CSRNP2: variants seen among roughly 807,000 people sequenced by gnomAD.
CSRNP2 encodes cysteine/serine-rich nuclear protein 2.
In CSRNP2, 11 loss-of-function variants were observed where a neutral mutation model predicts 36.6. The ratio of observed to expected loss-of-function variants is 0.30; its 90% confidence interval spans 0.19 to 0.50. The LOEUF (loss-of-function observed/expected upper bound fraction) is 0.50, where lower values mean the gene tolerates loss of function less well. Ranked by LOEUF, CSRNP2 falls within the 20% of genes least tolerant of loss-of-function variation. The pLI is 0.98. For missense variants in CSRNP2, 483 were observed against 691.4 expected (o/e 0.70, Z 3.38); for synonymous variants, 248 against 275.3 (o/e 0.90, Z 0.98).
intron 4 of CSRNP2, among the ~76,000 whole-genome samples, chr12:51,066,952 C>G (rs1418874412): frequency 6.8e-6 from 1 of 146,366 alleles, no homozygotes; most frequent in Non-Finnish European, 1.5e-5. Flanking sequence ...ATCTCAGCCT[C>G]TTGAGTACCT....
intron 4 of CSRNP2, among the ~76,000 whole-genome samples, chr12:51,065,890 AGAGT>A (rs1052993467): frequency 6.6e-6 from 1 of 152,234 alleles, no homozygotes; most frequent in African/African-American, 2.4e-5. Context: ...AAATAAAGAA[AGAGT>A]GAGTTAGGAG....
In CSRNP2 at chr12:51,061,493, A is replaced by G. The variant is rs895810274; in HGVS notation, c.*2253T>C. ...CAACCATGAGCTAGAATTCTGTCCA[A>G]CTCAGGTAGCACCAGAAGTGAGATG... On this transcript the variant is annotated 3_prime_UTR_variant, in exon 5 of 5. Transcript: ENST00000228515. 2 of 152,646 alleles carry G rather than the reference A, an allele frequency of 1.3e-5. No homozygotes were observed. The highest frequency in any genetic ancestry group is 2.4e-5 in the African/African-American group (1 of 41,450). The allele number at this position is 152,646 out of a possible 1,614,324, so 9.5% of individuals were successfully genotyped here.
At chr12:51,078,697 G>A (rs1396138541) in intron 1 of CSRNP2, among the ~76,000 whole-genome samples, 3 of 152,200 alleles carry the variant, frequency 2.0e-5, no homozygotes, top group African/African-American at 7.2e-5. Context: ...AGTTAGAATG[G>A]CGATCATTAA....
chr12:51,072,023 T>C (rs1439027393), intron 3 of CSRNP2, among the ~76,000 whole-genome samples: 1 of 152,168 alleles, frequency 6.6e-6, no homozygotes, highest in Admixed American at 6.5e-5. Context: ...AGGAATGAGA[T>C]GCTCTGGTTA....
chr12:51,068,175 G>T (rs1592751309), intron 3 of CSRNP2, among the ~76,000 whole-genome samples: 1 of 152,220 alleles, frequency 6.6e-6, no homozygotes, highest in East Asian at 1.9e-4. Flanking sequence ...TTATTTTTTT[G>T]AGACAAAAGT....
At position 51,076,657 on chromosome 12, in the gene CSRNP2, G is replaced by A; in HGVS notation, c.-86-10C>T. On this transcript the variant is annotated splice_polypyrimidine_tract_variant and intron_variant, in intron 1 of 4. Coordinates refer to ENST00000228515, the MANE Select transcript of CSRNP2 (RefSeq NM_030809.3). ...CAGGTACATTAGGATTCTGCCCAGG[G>A]AAAAAAAGGAATCAGCATTCCTGTC... 7.2e-7 allele frequency: 1 copy of A among 1,393,882 alleles called. No homozygotes were observed. The highest frequency in any genetic ancestry group is 1.0e-6 in the Non-Finnish European group (1 of 1,003,952). The allele number at this position is 1,393,882 out of a possible 1,614,324, so 86.3% of individuals were successfully genotyped here.
chr12:51,069,590 TC>T (rs1405844117), intron 3 of CSRNP2, among the ~76,000 whole-genome samples: 2 of 150,838 alleles, frequency 1.3e-5, no homozygotes, highest in African/African-American at 5.0e-5. Context: ...CCAGGCCTAA[TC>T]CTTTTTTATT....
At chr12:51,078,686 C>T (rs1375600088) in intron 1 of CSRNP2, among the ~76,000 whole-genome samples, 1 of 152,186 alleles carries the variant, frequency 6.6e-6, no homozygotes, top group African/African-American at 2.4e-5. Context: ...CATCTCACAC[C>T]AGTTAGAATG....
At chr12:51,073,640 G>A (rs559955600) in intron 3 of CSRNP2, among the ~76,000 whole-genome samples, 183 bp downstream of exon 3, 2 of 150,108 alleles carry the variant, frequency 1.3e-5, no homozygotes, top group African/African-American at 4.9e-5. Flanking sequence ...ACAAGAAATC[G>A]CTTGAACCTG....
At chr12:51,073,414 T>C (rs965374087) in intron 3 of CSRNP2, among the ~76,000 whole-genome samples, 3 of 151,334 alleles carry the variant, frequency 2.0e-5, no homozygotes, top group Non-Finnish European at 4.4e-5. Flanking sequence ...GAAATCTCTA[T>C]ACCCCAAGGA....
At position 51,079,812 on chromosome 12, in the gene CSRNP2, C is replaced by T. The variant is rs1413134174; in HGVS notation, c.-86-3165G>A. ...AAAAAAAGCTGGGTGTGGTGGCTCA[C>T]GCCTCTAATCTCAGCACTTTGGGAG... On this transcript the variant is annotated intron_variant, in intron 1 of 4. Coordinates refer to ENST00000228515, the MANE Select transcript of CSRNP2 (RefSeq NM_030809.3). 5.0e-5 allele frequency among the ~76,000 whole-genome samples: 7 copies of T among 139,330 alleles called. No individual in the cohort carries two copies. The South Asian group carries it at 9.3e-4, about 18-fold the overall frequency. 91.4% of individuals were successfully genotyped at this position (139,330 alleles called of 152,430 possible).
chr12:51,079,927 G>A (rs571868821), intron 1 of CSRNP2, among the ~76,000 whole-genome samples: 1 of 150,428 alleles, frequency 6.6e-6, no homozygotes, highest in South Asian at 2.1e-4. Flanking sequence ...ACAATGATTA[G>A]CCAGGTGTGG....
At position 51,067,542 on chromosome 12, in the gene CSRNP2, T is replaced by C. The variant is rs1938529401; in HGVS notation, c.708+131A>G. On this transcript the variant is annotated intron_variant, in intron 4 of 4. Coordinates refer to ENST00000228515, the MANE Select transcript of CSRNP2 (RefSeq NM_030809.3). The surrounding 1 kb of genome is among the most constrained non-coding windows in gnomAD (Gnocchi z 4.1). ...TGCTTACTCTGTTGACGGAGGAGGG[T>C]TGTGGAACTGGAGAGTGTTCACAAC... is the stretch of plus-strand genomic sequence containing the variant. 5 of 808,692 alleles carry C rather than the reference T, an allele frequency of 6.2e-6. No homozygotes were observed. The highest frequency in any genetic ancestry group is 2.6e-5 in the Admixed American group (1 of 38,558). 50.1% of individuals were successfully genotyped at this position (808,692 alleles called of 1,614,324 possible). A position where few individuals can be genotyped will look rare whatever the true frequency, so the allele number is the denominator to read the frequency against.
rs143275616 is a variant in CSRNP2, at chr12:51,063,857, G to T, written c.1521C>A (p.Ser507Arg). 6.2e-7 allele frequency: 1 copy of T among 1,613,992 alleles called. No homozygotes were observed. The highest frequency in any genetic ancestry group is 1.3e-5 in the African/African-American group (1 of 74,914). Reference sequence around the variant, plus strand: ...CTTCATTGTCCGTGCGGAAGGGGAGGCTTGAGGGGGACCAGGAAGGGTGGA... The same window carrying T: ...CTTCATTGTCCGTGCGGAAGGGGAGTCTTGAGGGGGACCAGGAAGGGTGGA... ...EDFHPSWSPS[S>R]LPFRTDNEEG... Residue 507 changes from serine to arginine, a missense_variant, in exon 5 of 5, where the codon AGC (serine) becomes AGA (arginine). This residue lies in a region of CSRNP2 where 277 missense variants were observed against 323.6 expected (regional missense o/e 0.86). Coordinates refer to ENST00000228515, the MANE Select transcript of CSRNP2 (RefSeq NM_030809.3).
chr12:51,076,196 C>A (rs1015145112), intron 2 of CSRNP2, among the ~76,000 whole-genome samples: 1 of 152,122 alleles, frequency 6.6e-6, no homozygotes. Context: ...CTAATTTAAC[C>A]CATTCTGGGA....
At chr12:51,074,791 G>A (rs1191263734) in intron 2 of CSRNP2, among the ~76,000 whole-genome samples, 2 of 152,112 alleles carry the variant, frequency 1.3e-5, no homozygotes, top group Admixed American at 6.5e-5. Context: ...CTCAGGCCGG[G>A]CATGGTGGCT....
At position 51,061,764 on chromosome 12, in the gene CSRNP2, A is replaced by T. The variant is rs1948838651; in HGVS notation, c.*1982T>A. The T allele has an allele frequency of 6.6e-6, 1 of 152,188 alleles. No individual in the cohort carries two copies. Among genetic ancestry groups the T allele is most frequent in the African/African-American group, 2.4e-5 (1 of 41,440 alleles). The allele number at this position is 152,188 out of a possible 1,614,324, so 9.4% of individuals were successfully genotyped here. A position where few individuals can be genotyped will look rare whatever the true frequency, so the allele number is the denominator to read the frequency against. ...AATGTGTTCCTCATCGTGCAGCTGG[A>T]ATCTACTTCCTAGATTAAGCCGGAG... On this transcript the variant is annotated 3_prime_UTR_variant, in exon 5 of 5. Coordinates refer to ENST00000228515, the MANE Select transcript of CSRNP2 (RefSeq NM_030809.3).
At chr12:51,077,453 G>A (rs1252546419) in intron 1 of CSRNP2, among the ~76,000 whole-genome samples, 4 of 152,144 alleles carry the variant, frequency 2.6e-5, no homozygotes, top group Non-Finnish European at 2.9e-5. Flanking sequence ...TTCTACAAAC[G>A]TGATTAAGGA....
chr12:51,068,584 G>A (rs920756709), intron 3 of CSRNP2, among the ~76,000 whole-genome samples: 5 of 152,024 alleles, frequency 3.3e-5, no homozygotes, highest in African/African-American at 9.7e-5. Context: ...TCAAAAACCC[G>A]TCTCATCTTC....
Sources: allele counts gnomAD v4.1 joint callset (sites outside exome capture counted in the v4.1 genomes callset), GRCh38; gene constraint gnomAD v4.1.1; regional missense constraint gnomAD v4.1.1; non-coding constraint Gnocchi (gnomAD v3.1); transcripts MANE v1.5; gene names NCBI Gene and HGNC (gene_info 2026-07-23, HGNC 2026-07-21).